ZNF407: variants seen among roughly 807,000 people sequenced by gnomAD.
The protein encoded by ZNF407 is zinc finger protein 407.
In ZNF407, 17 loss-of-function variants were observed where a neutral mutation model predicts 131.2. The ratio of observed to expected loss-of-function variants is 0.13; its 90% CI spans 0.09 to 0.19. The LOEUF (loss-of-function observed/expected upper bound fraction) is 0.19. ZNF407 is among the 10% of genes least tolerant of loss of function. ZNF407 has a pLI of 1.00. For synonymous variants in ZNF407, 1,156 were observed against 1,062.0 expected (o/e 1.09, Z -1.72); for missense variants, 2,681 against 2,830.6 (o/e 0.95, Z 1.20).
intron 7 of ZNF407, among the ~76,000 whole-genome samples, chr18:74,900,046 T>C (rs1487196852): frequency 6.6e-6 from 1 of 152,204 alleles, no homozygotes; most frequent in Non-Finnish European, 1.5e-5. Context: ...TAAAATCACT[T>C]TCTGAAATGT....
chr18:75,031,919 G>C (rs2122223511), intron 8 of ZNF407, among the ~76,000 whole-genome samples: 2 of 152,290 alleles, frequency 1.3e-5, no homozygotes, highest in Admixed American at 1.3e-4. Context: ...ATTTTTAGCA[G>C]CTGATCCAGG....
At chr18:74,765,007 G>A (rs1969196222) in intron 3 of ZNF407, among the ~76,000 whole-genome samples, 2 of 152,096 alleles carry the variant, frequency 1.3e-5, no homozygotes, top group Admixed American at 1.3e-4. Context: ...CTCAGGGGTG[G>A]CAGAGGTGGA....
intron 4 of ZNF407, among the ~76,000 whole-genome samples, chr18:74,791,554 G>A (rs1416685807): frequency 6.6e-6 from 1 of 152,110 alleles, no homozygotes; most frequent in Non-Finnish European, 1.5e-5. Flanking sequence ...TGAATTTATC[G>A]ATGCTGTCAG....
intron 3 of ZNF407, among the ~76,000 whole-genome samples, chr18:74,760,161 C>T (rs902266962): frequency 2.0e-5 from 3 of 152,108 alleles, no homozygotes; most frequent in East Asian, 1.9e-4. Context: ...TGGCGACTAA[C>T]GTCACTGCTT....
At chr18:74,796,028 G>A (rs1431977067) in intron 4 of ZNF407, among the ~76,000 whole-genome samples, 1 of 152,216 alleles carries the variant, frequency 6.6e-6, no homozygotes, top group Non-Finnish European at 1.5e-5. Context: ...AGCATTGAGA[G>A]CATGCAAATC....
Position 74,908,507 on chromosome 18 carries a change from C to G in ZNF407, c.5250-12007C>G, listed in dbSNP as rs142743945. Among the ~76,000 whole-genome samples, 60 of 152,198 alleles carry G rather than the reference C, an allele frequency of 3.9e-4. 1 individual carries two copies. In the East Asian group the frequency reaches 9.3e-3, roughly 24 times the overall value. Reference sequence around the variant, plus strand: ...TTATATACATGGATCTTTGTGCTGTCTGTTCTGTTCTAGTGGTGCATGTGG... The same window carrying G: ...TTATATACATGGATCTTTGTGCTGTGTGTTCTGTTCTAGTGGTGCATGTGG... On this transcript the variant is annotated intron_variant, in intron 7 of 8. Transcript: ENST00000299687.
chr18:74,611,220 A>G (rs552002550), intron 1 of ZNF407, among the ~76,000 whole-genome samples: 1 of 152,376 alleles, frequency 6.6e-6, no homozygotes, highest in East Asian at 1.9e-4. Flanking sequence ...TGACTCTGGT[A>G]TAGGAAAGGG....
intron 3 of ZNF407, among the ~76,000 whole-genome samples, chr18:74,654,861 G>A (rs899129547): frequency 6.6e-6 from 1 of 151,774 alleles, no homozygotes; most frequent in Non-Finnish European, 1.5e-5. Context: ...AATTGAAGTT[G>A]TAATAGATTT....
At position 74,635,240 on chromosome 18, in the gene ZNF407, C is replaced by T. The variant is rs769746594; in HGVS notation, c.4221C>T (p.Ser1407=). ...GVKKKKSEGS[S]IGESTRIRCD... Reference sequence around the variant, plus strand: ...AAAAGAAGAAATCTGAGGGCAGTTCCATTGGTGAGTCTACACGAATTCGCT... The same window carrying T: ...AAAAGAAGAAATCTGAGGGCAGTTCTATTGGTGAGTCTACACGAATTCGCT... Residue 1407 remains serine (S), a synonymous_variant, in exon 2 of 9, where the codon TCC becomes TCT. Transcript: ENST00000299687. This position sits in a 1 kb window ranked among gnomAD's most constrained non-coding sequence, Gnocchi z 4.7. 7.4e-6 allele frequency: 12 copies of T among 1,613,898 alleles called. No individual in the cohort carries two copies. The highest frequency in any genetic ancestry group is 1.0e-5 in the Non-Finnish European group (12 of 1,179,870).
At chr18:75,000,677 A>G (rs1304998333) in intron 8 of ZNF407, among the ~76,000 whole-genome samples, 4 of 150,064 alleles carry the variant, frequency 2.7e-5, no homozygotes, top group African/African-American at 1.0e-4. Flanking sequence ...ATCTTTCATC[A>G]TTACTCTTTT....
chr18:74,646,816 A>G (rs1248010399), intron 3 of ZNF407, among the ~76,000 whole-genome samples: 1 of 152,202 alleles, frequency 6.6e-6, no homozygotes, highest in South Asian at 2.1e-4. Context: ...TTAGGACAGC[A>G]GAGTGGAAAC....
chr18:74,942,867 A>G (rs1039852852), intron 8 of ZNF407, among the ~76,000 whole-genome samples: 4 of 151,842 alleles, frequency 2.6e-5, no homozygotes, highest in African/African-American at 9.7e-5. Flanking sequence ...GTGTTAGATC[A>G]TATTGCAATA....
intron 3 of ZNF407, among the ~76,000 whole-genome samples, chr18:74,646,976 A>G (rs1985000151): frequency 2.0e-5 from 3 of 152,168 alleles, no homozygotes; most frequent in African/African-American, 7.2e-5. Context: ...AGTATGATCA[A>G]CCTATAACAA....
chr18:74,661,093 T>C (rs1985694816), intron 3 of ZNF407, among the ~76,000 whole-genome samples: 1 of 152,168 alleles, frequency 6.6e-6, no homozygotes, highest in African/African-American at 2.4e-5. Flanking sequence ...TTTGTGAATG[T>C]TTACTGATCA....
rs893788527 is a variant in ZNF407, at chr18:75,065,029, A to G, written c.*561A>G. 6.6e-6 allele frequency: 1 copy of G among 152,372 alleles called. No individual in the cohort carries two copies. The highest frequency in any genetic ancestry group is 2.4e-5 in the African/African-American group (1 of 41,376). 9.4% of individuals were successfully genotyped at this position (152,372 alleles called of 1,614,324 possible). On this transcript the variant is annotated 3_prime_UTR_variant, in exon 9 of 9. Coordinates refer to ENST00000299687, the MANE Select transcript of ZNF407 (RefSeq NM_017757.3). ...TTTTTTTTTTTAATTTTAGAATAAC[A>G]GTGTCCCCATACCAAAGGAAGCCTG... is the stretch of plus-strand genomic sequence containing the variant.
intron 4 of ZNF407, among the ~76,000 whole-genome samples, chr18:74,819,150 G>A (rs975563357): frequency 6.6e-6 from 1 of 152,032 alleles, no homozygotes; most frequent in African/African-American, 2.4e-5. Context: ...GAAACTGTAG[G>A]GAGTTTACTA....
At chr18:74,953,257 C>T (rs1034057335) in intron 8 of ZNF407, among the ~76,000 whole-genome samples, 21 of 152,230 alleles carry the variant, frequency 1.4e-4, no homozygotes, top group Middle Eastern at 3.4e-3. Context: ...AGCTGGGGTC[C>T]GTCCAGGCTA....
chr18:74,978,234 G>A lies in ZNF407; in HGVS notation c.5428+57542G>A, dbSNP rs138909171. On this transcript the variant is annotated intron_variant, in intron 8 of 8. Transcript: ENST00000299687. ...GATGCGAGAAAATAGCATTCCTTGC[G>A]TGGGGGACAGTGGGCAGTCATGTAG... is the stretch of plus-strand genomic sequence containing the variant. 3.0e-3 allele frequency among the ~76,000 whole-genome samples: 463 copies of A among 152,254 alleles called. 2 individuals are homozygous for A. The highest frequency in any genetic ancestry group is 3.6e-3 in the Non-Finnish European group (246 of 68,026).
chr18:74,733,294 T>G (rs1208668937), intron 3 of ZNF407, among the ~76,000 whole-genome samples: 1 of 152,194 alleles, frequency 6.6e-6, no homozygotes, highest in Non-Finnish European at 1.5e-5. Context: ...CTAAGCACTC[T>G]TAACAAATTG....
Sources: gnomAD v4.1 joint callset for allele counts (sites outside exome capture counted in the v4.1 genomes callset) on GRCh38, gnomAD v4.1.1 for gene constraint, Gnocchi (gnomAD v3.1) non-coding constraint, MANE v1.5 for transcripts, NCBI Gene and HGNC (gene_info 2026-07-23, HGNC 2026-07-21) for gene names.